MACROD2: variants seen among roughly 807,000 people sequenced by gnomAD.
MACROD2 encodes ADP-ribose glycohydrolase MACROD2.
MACROD2 carries 36 observed loss-of-function variants against 70.4 expected under a neutral mutation model. The observed-to-expected ratio is 0.51, with a 90% confidence interval of 0.39 to 0.68. The LOEUF is 0.68. Ranked by LOEUF, MACROD2 falls within the 30% of genes least tolerant of loss-of-function variation. MACROD2 has a pLI of 0.00. For synonymous variants in MACROD2, 172 were observed against 178.8 expected (o/e 0.96, Z 0.30); for missense variants, 496 against 538.4 (o/e 0.92, Z 0.78).
At chr20:14,696,902 CT>C (rs892986310) in intron 5 of MACROD2, among the ~76,000 whole-genome samples, 19 of 152,228 alleles carry the variant, frequency 1.2e-4, no homozygotes, top group East Asian at 1.9e-4. Flanking sequence ...TTTGTTCTTG[CT>C]TTTATGTTAC....
At chr20:15,652,968 C>G (rs912735718) in intron 8 of MACROD2, among the ~76,000 whole-genome samples, 2 of 152,042 alleles carry the variant, frequency 1.3e-5, no homozygotes, top group Admixed American at 6.6e-5. Context: ...TGTTAATTGG[C>G]CTGATAATTG....
chr20:15,443,263 G>T (rs1180509294), intron 7 of MACROD2, among the ~76,000 whole-genome samples: 1 of 151,964 alleles, frequency 6.6e-6, no homozygotes, highest in Admixed American at 6.6e-5. Context: ...GGGGAAATGT[G>T]AGTTTAGGGC....
At chr20:15,084,316 C>T (rs1219657545) in intron 5 of MACROD2, among the ~76,000 whole-genome samples, 1 of 152,004 alleles carries the variant, frequency 6.6e-6, no homozygotes, top group Non-Finnish European at 1.5e-5. Flanking sequence ...GATCTGCCCA[C>T]CTCAGCATCC....
intron 13 of MACROD2, among the ~76,000 whole-genome samples, chr20:15,982,522 A>C (rs528866887): frequency 6.6e-6 from 1 of 151,804 alleles, no homozygotes; most frequent in Non-Finnish European, 1.5e-5. Flanking sequence ...TTTCAGAGTC[A>C]CTTTGCAGGG....
intron 6 of MACROD2, among the ~76,000 whole-genome samples, chr20:15,341,101 G>A (rs2078105882): frequency 6.6e-6 from 1 of 152,178 alleles, no homozygotes; most frequent in Admixed American, 6.5e-5. Context: ...ATGCATAGAC[G>A]AACACCACAC....
At chr20:14,839,126 C>T (rs2073061033) in intron 5 of MACROD2, among the ~76,000 whole-genome samples, 1 of 152,056 alleles carries the variant, frequency 6.6e-6, no homozygotes, top group African/African-American at 2.4e-5. Flanking sequence ...CTCCATGTGA[C>T]TCCAAGTTGT....
chr20:14,373,749 G>T (rs144829094), intron 3 of MACROD2, among the ~76,000 whole-genome samples: 1 of 152,150 alleles, frequency 6.6e-6, no homozygotes, highest in Non-Finnish European at 1.5e-5. Context: ...ATTATGCAGC[G>T]AGAGTACACC....
rs143670247 is a variant in MACROD2, at chr20:14,532,854, G to C, written c.301+39346G>C. On this transcript the variant is annotated intron_variant, in intron 4 of 17. Coordinates refer to ENST00000684519, the MANE Select transcript of MACROD2 (RefSeq NM_001351661.2). The stretch of plus-strand genomic sequence containing the variant: ...TCCCTGGGTGATGCATCGGGATTAG[G>C]CCTTTGTAGTAGAAATTATGGACAT... Among the ~76,000 whole-genome samples, 8 of 152,278 alleles carry C rather than the reference G, an allele frequency of 5.3e-5. No individual in the cohort carries two copies. In the East Asian group the frequency reaches 1.5e-3, roughly 29 times the overall value.
chr20:14,390,548 A>G (rs970952001), intron 3 of MACROD2, among the ~76,000 whole-genome samples: 1 of 152,212 alleles, frequency 6.6e-6, no homozygotes, highest in African/African-American at 2.4e-5. Context: ...AAACAGACAC[A>G]TAGACCAATG....
intron 5 of MACROD2, among the ~76,000 whole-genome samples, chr20:14,840,212 A>G (rs758368414): frequency 5.3e-5 from 8 of 151,558 alleles, no homozygotes; most frequent in Non-Finnish European, 1.2e-4. Flanking sequence ...TAATTTTTGT[A>G]TTTTTACTAG....
intron 8 of MACROD2, among the ~76,000 whole-genome samples, chr20:15,633,053 G>A (rs538784699): frequency 5.3e-5 from 8 of 152,026 alleles, no homozygotes; most frequent in African/African-American, 1.4e-4. Context: ...GTTTAACTGA[G>A]TTATAGATTG....
chr20:15,824,214 C>T (rs2063971940), intron 8 of MACROD2, among the ~76,000 whole-genome samples: 1 of 151,966 alleles, frequency 6.6e-6, no homozygotes, highest in Non-Finnish European at 1.5e-5. Context: ...TCATTGAGCC[C>T]ACTGATAAAT....
chr20:15,595,759 T>G (rs530565269), intron 8 of MACROD2, among the ~76,000 whole-genome samples: 1 of 152,270 alleles, frequency 6.6e-6, no homozygotes, highest in East Asian at 1.9e-4. Flanking sequence ...ATGTAAACAG[T>G]AATAATCTGT....
At chr20:14,447,057 C>T (rs774849873) in intron 3 of MACROD2, among the ~76,000 whole-genome samples, 6 of 152,038 alleles carry the variant, frequency 3.9e-5, no homozygotes, top group East Asian at 1.9e-4. Flanking sequence ...CTCGCTCTGT[C>T]GCCCAGGCTG....
chr20:15,637,007 G>A (rs2049380507), intron 8 of MACROD2, among the ~76,000 whole-genome samples: 1 of 152,188 alleles, frequency 6.6e-6, no homozygotes, highest in Non-Finnish European at 1.5e-5. Flanking sequence ...AAGGTGTGCT[G>A]GCAGTTAAAG....
intron 8 of MACROD2, among the ~76,000 whole-genome samples, chr20:15,502,100 T>C (rs902151483): frequency 1.3e-5 from 2 of 152,174 alleles, no homozygotes; most frequent in Non-Finnish European, 2.9e-5. Flanking sequence ...AAAATTATGT[T>C]TGCTTAACAT....
In MACROD2 at chr20:15,934,201, G is replaced by C. The variant is rs535641354; in HGVS notation, c.838+863G>C. 5.3e-5 allele frequency among the ~76,000 whole-genome samples: 8 copies of C among 152,336 alleles called. No homozygotes were observed. The East Asian group carries it at 1.3e-3, about 26-fold the overall frequency. On this transcript the variant is annotated intron_variant, in intron 11 of 17. Coordinates refer to ENST00000684519, the MANE Select transcript of MACROD2 (RefSeq NM_001351661.2). ...CACTTCTGAAGTAGTGAGCCCTACT[G>C]TTTGCCAAGCACATCCTAGGCCATA...
At chr20:16,028,696 A>G (rs1016814609) in intron 15 of MACROD2, among the ~76,000 whole-genome samples, 17 of 152,128 alleles carry the variant, frequency 1.1e-4, no homozygotes, top group Admixed American at 5.9e-4. Flanking sequence ...CATTTTCCAC[A>G]AGTATGTTCC....
intron 3 of MACROD2, among the ~76,000 whole-genome samples, chr20:14,171,599 A>C (rs1241729752): frequency 6.6e-6 from 1 of 152,208 alleles, no homozygotes; most frequent in African/African-American, 2.4e-5. Flanking sequence ...TTGTTGACTC[A>C]ACAATCATTC....
Sources: gnomAD v4.1 joint callset for allele counts (sites outside exome capture counted in the v4.1 genomes callset) on GRCh38, gnomAD v4.1.1 for gene constraint, MANE v1.5 for transcripts, NCBI Gene and HGNC (gene_info 2026-07-23, HGNC 2026-07-21) for gene names.